Variants in ZDHHC17 observed in about 807,000 individuals in gnomAD.
ZDHHC17 encodes zDHHC palmitoyltransferase 17.
ZDHHC17 carries 40 observed loss-of-function variants against 90.3 expected under a neutral mutation model. That is an observed-to-expected ratio of 0.44 (90% confidence interval 0.34 to 0.58). ZDHHC17 has a LOEUF of 0.58. Among genes scored for constraint, ZDHHC17 ranks in the 20% least tolerant of loss-of-function variants. The pLI, the probability that ZDHHC17 is intolerant of heterozygous loss-of-function variation, is 0.01. For synonymous variants in ZDHHC17, 235 were observed against 252.4 expected (o/e 0.93, Z 0.65); for missense variants, 614 against 780.8 (o/e 0.79, Z 2.55).
chr12:76,833,836 C>T (rs1304468764), intron 10 of ZDHHC17, among the ~76,000 whole-genome samples: 3 of 151,976 alleles, frequency 2.0e-5, no homozygotes, highest in African/African-American at 4.8e-5. Flanking sequence ...ATCTCTTAAT[C>T]ATGTGTCAGT....
At chr12:76,801,959 C>A (rs1244801508) in intron 2 of ZDHHC17, among the ~76,000 whole-genome samples, 1 of 150,352 alleles carries the variant, frequency 6.7e-6, no homozygotes, top group Non-Finnish European at 1.5e-5. Flanking sequence ...TCTCTTAAAT[C>A]AAGTAGAAAA....
intron 10 of ZDHHC17, among the ~76,000 whole-genome samples, chr12:76,831,431 A>G (rs1592493038): frequency 1.3e-5 from 2 of 152,006 alleles, no homozygotes; most frequent in African/African-American, 4.8e-5. Context: ...GCTCACTGCA[A>G]CCTCTGCCTT....
chr12:76,849,336 A>G, intron 15 of ZDHHC17, 40 bp from the exon 16 acceptor site: 1 of 1,126,908 alleles, frequency 8.9e-7, no homozygotes, highest in Non-Finnish European at 1.2e-6. Flanking sequence ...AAAAAAAAAA[A>G]AAAAACAAGA....
At chr12:76,783,041 T>C (rs1308884128) in intron 1 of ZDHHC17, among the ~76,000 whole-genome samples, 2 of 152,172 alleles carry the variant, frequency 1.3e-5, no homozygotes, top group African/African-American at 4.8e-5. Context: ...AGGGTTGACG[T>C]TGAGGCCTAG....
intron 1 of ZDHHC17, 42 bp from the exon 2 acceptor site, chr12:76,797,392 C>T (rs374390058): frequency 6.9e-7 from 1 of 1,442,028 alleles, no homozygotes; most frequent in Admixed American, 2.1e-5. Context: ...TTCTGTACCT[C>T]TTTTTTCAAT....
At position 76,852,708 on chromosome 12, in the gene ZDHHC17, T is replaced by G. The variant is rs2137813817; in HGVS notation, c.*1723T>G. 1.3e-5 allele frequency: 2 copies of G among 152,710 alleles called. No individual in the cohort carries two copies. The highest frequency in any genetic ancestry group is 4.1e-4 in the South Asian group (2 of 4,830). The allele number at this position is 152,710 out of a possible 1,614,324, so 9.5% of individuals were successfully genotyped here. On this transcript the variant is annotated 3_prime_UTR_variant, in exon 17 of 17. Transcript: ENST00000426126. ...ATATAGTAGCTTATTTGACCATAAG[T>G]CACACATCAAAAAAAGATTACCCTT...
intron 14 of ZDHHC17, among the ~76,000 whole-genome samples, chr12:76,846,884 C>A (rs1054605270): frequency 2.0e-5 from 3 of 152,140 alleles, no homozygotes; most frequent in African/African-American, 7.2e-5. Context: ...AGCAGTTAAC[C>A]ACCTTTTAAT....
At chr12:76,782,874 T>C (rs1952642732) in intron 1 of ZDHHC17, among the ~76,000 whole-genome samples, 1 of 151,996 alleles carries the variant, frequency 6.6e-6, no homozygotes. Flanking sequence ...GATGGAAAAT[T>C]ACCAAGAGAA....
chr12:76,823,306 T>G (rs1953188557), intron 8 of ZDHHC17, among the ~76,000 whole-genome samples: 2 of 152,228 alleles, frequency 1.3e-5, no homozygotes, highest in African/African-American at 2.4e-5. Flanking sequence ...TTGTATACCT[T>G]TTTTCAGAGA....
intron 1 of ZDHHC17, among the ~76,000 whole-genome samples, chr12:76,773,937 G>A (rs1308853053): frequency 6.6e-6 from 1 of 151,998 alleles, no homozygotes; most frequent in Non-Finnish European, 1.5e-5. Flanking sequence ...CTTTTGCTTA[G>A]TATACATTAA....
rs1341959048 is a variant in ZDHHC17 at position 76,827,151 on chromosome 12, AATTT to A, written c.1040+107_1040+110del. ...GTTTGTATGTTGTACATTTGATCTT[AATTT>A]ATTTAAATAATTTAGACATCTGTAT... On this transcript the variant is annotated intron_variant, in intron 9 of 16. Transcript: ENST00000426126. 155 of 1,250,276 alleles carry A rather than the reference AATTT, an allele frequency of 1.2e-4. No homozygotes were observed. The African/African-American group carries it at 2.2e-3, about 18-fold the overall frequency. The allele number at this position is 1,250,276 out of a possible 1,614,324, so 77.4% of individuals were successfully genotyped here.
chr12:76,791,368 G>A (rs537622249), intron 1 of ZDHHC17, among the ~76,000 whole-genome samples: 1 of 151,978 alleles, frequency 6.6e-6, no homozygotes, highest in South Asian at 2.1e-4. Context: ...ACTACCTCAG[G>A]TTTTCCTTTG....
rs1952998978 is a variant in ZDHHC17 at position 76,809,867 on chromosome 12, AT to A, written c.543+11del. 6.2e-7 allele frequency: 1 copy of A among 1,607,194 alleles called. No individual in the cohort carries two copies. The highest frequency in any genetic ancestry group is 8.5e-7 in the Non-Finnish European group (1 of 1,176,278). On this transcript the variant is annotated intron_variant, in intron 5 of 16. Transcript: ENST00000426126. ...CATAGCAAAAGGACAGGTAAAAAAAATCTCAGTGGTATGGATTTTAATCAGA... is the reference window on the plus strand; with the variant it reads ...CATAGCAAAAGGACAGGTAAAAAAAACTCAGTGGTATGGATTTTAATCAGA...
chr12:76,774,523 A>T (rs1952536481), intron 1 of ZDHHC17, among the ~76,000 whole-genome samples: 1 of 152,138 alleles, frequency 6.6e-6, no homozygotes, highest in Non-Finnish European at 1.5e-5. Flanking sequence ...ATTTTTGAAG[A>T]GTCCTACTAT....
intron 1 of ZDHHC17, among the ~76,000 whole-genome samples, chr12:76,793,434 G>A (rs1000243123): frequency 2.6e-5 from 4 of 152,144 alleles, no homozygotes; most frequent in African/African-American, 9.7e-5. Flanking sequence ...GCAGGAGAAT[G>A]GTTTGTACCT....
At chr12:76,772,946 T>G (rs1045185928) in intron 1 of ZDHHC17, among the ~76,000 whole-genome samples, 1 of 151,224 alleles carries the variant, frequency 6.6e-6, no homozygotes, top group African/African-American at 2.4e-5. Flanking sequence ...CAACTTCGCC[T>G]CCTGGGTTCA....
At chr12:76,818,562 G>A (rs994514541) in intron 7 of ZDHHC17, among the ~76,000 whole-genome samples, 1 of 152,202 alleles carries the variant, frequency 6.6e-6, no homozygotes, top group African/African-American at 2.4e-5. Flanking sequence ...ATGCCTCTGA[G>A]GAGATGACAT....
chr12:76,809,463 A>G (rs1248984629), intron 4 of ZDHHC17, among the ~76,000 whole-genome samples: 1 of 152,122 alleles, frequency 6.6e-6, no homozygotes, highest in Non-Finnish European at 1.5e-5. Context: ...GACATAATAG[A>G]ATATAGTAAT....
At chr12:76,793,263 G>A (rs1952780920) in intron 1 of ZDHHC17, among the ~76,000 whole-genome samples, 1 of 152,242 alleles carries the variant, frequency 6.6e-6, no homozygotes. Flanking sequence ...GCTCCTGCCT[G>A]TAATCCCAGC....
Sources: gnomAD v4.1 joint callset for allele counts (sites outside exome capture counted in the v4.1 genomes callset) on GRCh38, gnomAD v4.1.1 for gene constraint, MANE v1.5 for transcripts, NCBI Gene and HGNC (gene_info 2026-07-23, HGNC 2026-07-21) for gene names.